The following SNX18 variants were observed in gnomAD, a reference collection of about 807,000 sequenced individuals.
SNX18 encodes sorting nexin-18.
A neutral mutation model predicts 48.7 loss-of-function variants in SNX18; 35 were observed. The observed-to-expected ratio is 0.72, with a 90% CI of 0.55 to 0.95. The LOEUF (loss-of-function observed/expected upper bound fraction) is 0.95, where lower values mean the gene tolerates loss of function less well. Among genes scored for constraint, SNX18 ranks in the 40% least tolerant of loss-of-function variants. The probability of loss-of-function intolerance (pLI) is 0.00; values close to 1 mark genes in which losing one functional copy is unlikely to be tolerated. For synonymous variants in SNX18, 492 were observed against 384.7 expected (o/e 1.28, Z -3.26); for missense variants, 824 against 871.0 (o/e 0.95, Z 0.68).
At chr5:54,548,288 G>A (rs888217976), downstream of SNX18, among the ~76,000 whole-genome samples, 1 of 152,186 alleles carries the variant, frequency 6.6e-6, no homozygotes, top group African/African-American at 2.4e-5. Flanking sequence ...TTAAAAACAA[G>A]GTGTGTGGTA....
chr5:54,579,839 CCTT>C, the SNX18 span, among the ~76,000 whole-genome samples: 3 of 152,306 alleles, frequency 2.0e-5, no homozygotes, highest in East Asian at 1.9e-4. Flanking sequence ...GCATTTTCCT[CCTT>C]CTCAAGTTCT....
the SNX18 span, chr5:54,645,420 A>G: frequency 3.9e-5 from 6 of 152,248 alleles, no homozygotes; most frequent in Non-Finnish European, 7.3e-5. Flanking sequence ...CCGGGAAAAC[A>G]GATGAGGGGT....
chr5:54,542,639 A>G (rs1048904242), intron 1 of SNX18, among the ~76,000 whole-genome samples: 3 of 152,272 alleles, frequency 2.0e-5, no homozygotes, highest in African/African-American at 4.8e-5. Flanking sequence ...AGCACCCTCC[A>G]TGACTGTGAC....
the SNX18 span, among the ~76,000 whole-genome samples, chr5:54,567,134 G>A: frequency 6.6e-6 from 1 of 152,084 alleles, no homozygotes; most frequent in African/African-American, 2.4e-5. Context: ...TTGCTAGCTT[G>A]GGAGCAAAGG....
chr5:54,560,925 T>A, the SNX18 span, among the ~76,000 whole-genome samples: 112,316 of 152,154 alleles, frequency 0.74, 41,789 homozygotes, highest in Non-Finnish European at 0.79. Flanking sequence ...ACCAGGCTGG[T>A]AATTGAGTAG....
At chr5:54,532,720 T>G (rs895361866) in intron 1 of SNX18, among the ~76,000 whole-genome samples, 5 of 152,212 alleles carry the variant, frequency 3.3e-5, no homozygotes, top group Admixed American at 2.0e-4. Flanking sequence ...TTTATCACGT[T>G]TAATATTCAT....
chr5:54,552,577 A>G, the SNX18 span, among the ~76,000 whole-genome samples: 1 of 152,250 alleles, frequency 6.6e-6, no homozygotes, highest in Non-Finnish European at 1.5e-5. Context: ...CCCCAGTGCC[A>G]GCACACATTG....
the SNX18 span, among the ~76,000 whole-genome samples, chr5:54,602,426 C>T: frequency 6.6e-6 from 1 of 152,146 alleles, no homozygotes. Flanking sequence ...CTGACCTTTG[C>T]CTCAAACACT....
the SNX18 span, among the ~76,000 whole-genome samples, chr5:54,597,270 A>G: frequency 6.6e-6 from 1 of 152,106 alleles, no homozygotes; most frequent in African/African-American, 2.4e-5. Context: ...AGAAACTCAG[A>G]CTCCCACACA....
chr5:54,573,959 A>C, the SNX18 span, among the ~76,000 whole-genome samples: 2 of 152,230 alleles, frequency 1.3e-5, no homozygotes, highest in Non-Finnish European at 2.9e-5. Context: ...ACTTAGCATT[A>C]TCCTGTTACC....
At chr5:54,563,329 A>G in the SNX18 span, among the ~76,000 whole-genome samples, 1 of 152,198 alleles carries the variant, frequency 6.6e-6, no homozygotes, top group Non-Finnish European at 1.5e-5. Flanking sequence ...AGCTCTGTTC[A>G]TGGTAAGTGC....
At chr5:54,580,668 G>A in the SNX18 span, among the ~76,000 whole-genome samples, 2 of 152,120 alleles carry the variant, frequency 1.3e-5, no homozygotes, top group African/African-American at 2.4e-5. Context: ...AAGAAAAATG[G>A]ATCCTCCTTT....
the SNX18 span, among the ~76,000 whole-genome samples, chr5:54,608,602 G>A: frequency 6.6e-6 from 1 of 152,154 alleles, no homozygotes; most frequent in East Asian, 1.9e-4. Context: ...GGGATATGGA[G>A]ATAGCCTGAG....
chr5:54,582,632 CA>C, the SNX18 span, among the ~76,000 whole-genome samples: 1 of 151,294 alleles, frequency 6.6e-6, no homozygotes, highest in African/African-American at 2.4e-5. Flanking sequence ...AAAACAACAA[CA>C]AAAAAAACAT....
At chr5:54,610,529 G>C in the SNX18 span, among the ~76,000 whole-genome samples, 1 of 152,210 alleles carries the variant, frequency 6.6e-6, no homozygotes, top group Non-Finnish European at 1.5e-5. Flanking sequence ...GCCAAGATTG[G>C]AGATTCAGAT....
chr5:54,519,300 A>G lies in SNX18; in HGVS notation c.1348A>G (p.Asn450Asp). The G allele has an allele frequency of 6.2e-7, 1 of 1,614,024 alleles. No individual in the cohort carries two copies. The highest frequency in any genetic ancestry group is 8.5e-7 in the Non-Finnish European group (1 of 1,179,992). Residue 450 changes from asparagine (N) to aspartate (D), a missense_variant, in exon 1 of 2, where the codon AAC becomes GAC. Physicochemically the swap from Asn to Asp is conservative, Grantham distance 23. This residue lies in a region of SNX18 where 443 missense variants were observed against 503.6 expected (regional missense o/e 0.88). Coordinates refer to ENST00000381410, the MANE Select transcript of SNX18 (RefSeq NM_001102575.2). ...DSALQLNHTA[N>D]EFARKQVTGF... ...CGCGCTGCAGCTCAACCACACGGCC[A>G]ACGAGTTCGCGCGCAAGCAGGTGAC...
intron 1 of SNX18, among the ~76,000 whole-genome samples, chr5:54,537,280 G>A (rs1330289065): frequency 6.6e-6 from 1 of 152,178 alleles, no homozygotes; most frequent in Non-Finnish European, 1.5e-5. Context: ...ATTGGAAACG[G>A]TACTACTTAA....
chr5:54,599,721 A>C, the SNX18 span, among the ~76,000 whole-genome samples: 2 of 152,190 alleles, frequency 1.3e-5, no homozygotes, highest in African/African-American at 2.4e-5. Context: ...ACTTGACAAA[A>C]ACAAGCAATG....
the SNX18 span, among the ~76,000 whole-genome samples, chr5:54,625,596 G>T: frequency 2.1e-3 from 313 of 152,252 alleles, 1 homozygote; most frequent in African/African-American, 7.1e-3. Flanking sequence ...CTCAGAGGGT[G>T]GCATCCCATT....
Sources: allele counts gnomAD v4.1 joint callset (sites outside exome capture counted in the v4.1 genomes callset), GRCh38; gene constraint gnomAD v4.1.1; regional missense constraint gnomAD v4.1.1; transcripts MANE v1.5; gene names NCBI Gene and HGNC (gene_info 2026-07-23, HGNC 2026-07-21).